TAS1R1: variants seen among roughly 807,000 people sequenced by gnomAD.
TAS1R1 encodes the protein taste receptor type 1 member 1.
Under a neutral mutation model 45.8 loss-of-function variants are expected in TAS1R1, and 31 were observed. The observed-to-expected ratio is 0.68, with a 90% CI of 0.51 to 0.91. The LOEUF is 0.91. TAS1R1 is among the 40% of genes least tolerant of loss of function. The pLI is 0.00. For synonymous variants in TAS1R1, 437 were observed against 448.4 expected (o/e 0.97, Z 0.32); for missense variants, 1,051 against 1,063.9 (o/e 0.99, Z 0.17).
rs148266626 is a variant in TAS1R1 at position 6,576,615 on chromosome 1, A to G, written c.1461A>G (p.Gly487=). ...ATGAGACCAAAATCCAGTGGCACGG[A>G]AAGGACAACCAGGTAATGGGGATGT... The part of the protein sequence containing the change: ...NINETKIQWH[G]KDNQVPKSVC... The change falls in exon 4 of 6, where the codon GGA becomes GGG. Residue 487 remains glycine, a synonymous_variant. Transcript: ENST00000333172. The G allele has an allele frequency of 3.3e-5, 53 of 1,613,582 alleles. No individual in the cohort carries two copies. The African/African-American group carries it at 5.7e-4, about 17-fold the overall frequency.
chr1:6,561,795 G>A (rs1385006110), intron 1 of TAS1R1, among the ~76,000 whole-genome samples: 1 of 151,940 alleles, frequency 6.6e-6, no homozygotes, highest in South Asian at 2.1e-4. Flanking sequence ...GAGATCTTTT[G>A]AGAGACCGTG....
At chr1:6,577,380 A>G (rs545244292) in intron 5 of TAS1R1, among the ~76,000 whole-genome samples, 1 of 151,500 alleles carries the variant, frequency 6.6e-6, no homozygotes, top group East Asian at 1.9e-4. Context: ...CCAAAAATAT[A>G]AAAAATTAGC....
intron 5 of TAS1R1, among the ~76,000 whole-genome samples, chr1:6,577,861 C>G (rs1349864795): frequency 6.6e-6 from 1 of 152,112 alleles, no homozygotes; most frequent in Non-Finnish European, 1.5e-5. Context: ...AATTAGCCAA[C>G]TGAAAGCCTT....
chr1:6,559,329 C>T (rs573818323), intron 1 of TAS1R1, among the ~76,000 whole-genome samples: 76 of 152,150 alleles, frequency 5.0e-4, no homozygotes, highest in African/African-American at 1.7e-3. Flanking sequence ...CGTGCCTAGC[C>T]TGAAGCTATT....
At chr1:6,568,946 G>A (rs913349543) in intron 1 of TAS1R1, among the ~76,000 whole-genome samples, 3 of 149,456 alleles carry the variant, frequency 2.0e-5, no homozygotes, top group Non-Finnish European at 4.5e-5. Flanking sequence ...TTTCAATTTG[G>A]TAGAGGTTGG....
At chr1:6,572,162 G>T (rs751678677) in intron 2 of TAS1R1, among the ~76,000 whole-genome samples, 5 of 151,954 alleles carry the variant, frequency 3.3e-5, no homozygotes, top group Admixed American at 1.3e-4. Flanking sequence ...TTGACCCTCA[G>T]CCCGATTCTG....
chr1:6,578,106 G>C (rs1640233761), intron 5 of TAS1R1, among the ~76,000 whole-genome samples: 2 of 152,166 alleles, frequency 1.3e-5, no homozygotes, highest in African/African-American at 4.8e-5. Flanking sequence ...TCCCCATCCA[G>C]AAATGCAAGG....
Position 6,579,748 on chromosome 1 carries a change from G to A in TAS1R1, c.*164G>A. The A allele has an allele frequency of 1.1e-6, 1 of 883,642 alleles. No individual in the cohort carries two copies. Among genetic ancestry groups the A allele is most frequent in the Middle Eastern group, 3.5e-4 (1 of 2,866 alleles). 54.7% of individuals were successfully genotyped at this position (883,642 alleles called of 1,614,324 possible). A position where few individuals can be genotyped will look rare whatever the true frequency, so the allele number is the denominator to read the frequency against. On this transcript the variant is annotated 3_prime_UTR_variant, in exon 6 of 6. Coordinates refer to ENST00000333172, the MANE Select transcript of TAS1R1 (RefSeq NM_138697.4). ...GGCTCCGGGCTGCCAATAAAGAAGT[G>A]AAATGCGTATCTGGTCTCCTGTCGT...
At position 6,574,957 on chromosome 1, in the gene TAS1R1, C is replaced by T. The variant is rs1281318376; in HGVS notation, c.825C>T (p.Ser275=). The change falls in exon 3 of 6, where the codon TCC becomes TCT. Residue 275 remains serine (S), a synonymous_variant. Transcript: ENST00000333172. This position sits in a 1 kb window ranked among gnomAD's most constrained non-coding sequence, Gnocchi z 4.3. ...QAGATVVVVF[S]SRQLARVFFE... ...GGGCCACCGTCGTGGTTGTTTTTTC[C>T]AGCCGGCAGTTGGCCAGGGTGTTTT... is the stretch of plus-strand genomic sequence containing the variant. The T allele has an allele frequency of 6.2e-7, 1 of 1,608,826 alleles. No homozygotes were observed. The highest frequency in any genetic ancestry group is 1.1e-5 in the South Asian group (1 of 90,842).
intron 2 of TAS1R1, among the ~76,000 whole-genome samples, chr1:6,572,103 T>G (rs931979557): frequency 6.6e-6 from 1 of 152,014 alleles, no homozygotes; most frequent in African/African-American, 2.4e-5. Flanking sequence ...GAGCACTGAC[T>G]CCCTGCCCCT....
chr1:6,576,505 A>G lies in TAS1R1; in HGVS notation c.1351A>G (p.Ile451Val), dbSNP rs768203623. The G allele has an allele frequency of 2.5e-6, 4 of 1,614,246 alleles. No individual in the cohort carries two copies. The East Asian group carries it at 6.7e-5, about 27-fold the overall frequency. ...CAGAGATCCCCTCAGTAGCTATAAC[A>G]TAATTGCCTGGGACTGGAATGGACC... ...DNRDPLSSYN[I>V]IAWDWNGPKW... Residue 451 changes from isoleucine to valine, a missense_variant, in exon 4 of 6, where the codon ATA (isoleucine) becomes GTA (valine). Coordinates refer to ENST00000333172, the MANE Select transcript of TAS1R1 (RefSeq NM_138697.4).
At chr1:6,557,091 G>C (rs952549603) in intron 1 of TAS1R1, among the ~76,000 whole-genome samples, 1 of 150,778 alleles carries the variant, frequency 6.6e-6, no homozygotes, top group Non-Finnish European at 1.5e-5. Context: ...GAATGCTGCC[G>C]AGGCTTGGCT....
In TAS1R1 at chr1:6,571,183, G is replaced by T. The variant is rs1280051277; in HGVS notation, c.466G>T (p.Ala156Ser). Residue 156 changes from alanine to serine, a missense_variant, in exon 2 of 6, where the codon GCC becomes TCC. Transcript: ENST00000333172. Reference protein sequence around the residue: ...PDSTNRAATTAALLSPFLVPM... With the variant: ...PDSTNRAATTSALLSPFLVPM... ...CAGCACCAACCGTGCTGCCACCACA[G>T]CCGCCCTGCTGAGCCCTTTCCTGGT... 8.2e-6 allele frequency: 13 copies of T among 1,590,690 alleles called. No individual in the cohort carries two copies. In the South Asian group the frequency reaches 1.1e-4, roughly 14 times the overall value.
At position 6,574,585 on chromosome 1, in the gene TAS1R1, G is replaced by A; in HGVS notation, c.499-46G>A. 6.4e-7 allele frequency: 1 copy of A among 1,558,508 alleles called. No homozygotes were observed. Among genetic ancestry groups the A allele is most frequent in the South Asian group, 1.2e-5 (1 of 81,176 alleles). On this transcript the variant is annotated intron_variant, in intron 2 of 5. Coordinates refer to ENST00000333172, the MANE Select transcript of TAS1R1 (RefSeq NM_138697.4). This position sits in a 1 kb window ranked among gnomAD's most constrained non-coding sequence, Gnocchi z 4.3. ...ACCCAGCACAGGGCCAGGCACTGGG[G>A]GGGCCTTCAGTGGAGACTGAAATGG...
intron 1 of TAS1R1, 121 bp from the exon 2 acceptor site, chr1:6,570,787 TG>T: frequency 2.5e-6 from 2 of 806,594 alleles, no homozygotes; most frequent in Non-Finnish European, 3.9e-6. Context: ...AGTTGTGGTT[TG>T]GGGGACTGGA....
intron 1 of TAS1R1, among the ~76,000 whole-genome samples, chr1:6,569,981 GCT>G (rs1639967664): frequency 7.0e-6 from 1 of 143,666 alleles, no homozygotes; most frequent in East Asian, 2.3e-4. Context: ...AGGGGGAAAG[GCT>G]CTAGCACACA....
At chr1:6,562,686 A>G (rs1417471222) in intron 1 of TAS1R1, among the ~76,000 whole-genome samples, 1 of 152,100 alleles carries the variant, frequency 6.6e-6, no homozygotes, top group Non-Finnish European at 1.5e-5. Flanking sequence ...GAGCTTTAAT[A>G]GGGATTGGTA....
At chr1:6,556,385 T>TTCTA (rs35268740) in intron 1 of TAS1R1, among the ~76,000 whole-genome samples, 133,289 of 150,142 alleles carry the variant, frequency 0.89, 60,051 homozygotes, top group Non-Finnish European at 0.96. Context: ...TTTCTTTTAT[T>TTCTA]TCTATCTATC....
At chr1:6,559,316 C>T (rs896650588) in intron 1 of TAS1R1, among the ~76,000 whole-genome samples, 2 of 152,152 alleles carry the variant, frequency 1.3e-5, no homozygotes, top group South Asian at 2.1e-4. Flanking sequence ...AGGCATGAGC[C>T]GCCGTGCCTA....
Sources: allele counts gnomAD v4.1 joint callset (sites outside exome capture counted in the v4.1 genomes callset), GRCh38; gene constraint gnomAD v4.1.1; non-coding constraint Gnocchi (gnomAD v3.1); transcripts MANE v1.5; gene names NCBI Gene and HGNC (gene_info 2026-07-23, HGNC 2026-07-21).